Variants in RNF214 observed in about 807,000 individuals in gnomAD.
RNF214 encodes ring finger protein 214.
Under a neutral mutation model 75.9 loss-of-function variants are expected in RNF214, and 25 were observed. The observed-to-expected ratio is 0.33, with a 90% CI of 0.24 to 0.46. The LOEUF is 0.46. Among genes scored for constraint, RNF214 ranks in the 20% least tolerant of loss-of-function variants. The probability of loss-of-function intolerance (pLI) is 1.00; values close to 1 mark genes in which losing one functional copy is unlikely to be tolerated. For missense variants in RNF214, 725 were observed against 857.5 expected, an observed-to-expected ratio of 0.85 and a Z score of 1.93; for synonymous variants, 314 against 308.8, an observed-to-expected ratio of 1.02 and a Z score of -0.18.
intron 6 of RNF214, among the ~76,000 whole-genome samples, chr11:117,264,596 A>G (rs1322609156): frequency 2.6e-5 from 4 of 151,962 alleles, no homozygotes; most frequent in Non-Finnish European, 4.4e-5. Context: ...TAAGTTGGCT[A>G]TTTTGTCATT....
Position 117,264,899 on chromosome 11 carries a change from A to G in RNF214, c.960-15009A>G, listed in dbSNP as rs184482375. On this transcript the variant is annotated intron_variant, in intron 6 of 14. Coordinates refer to ENST00000300650, the MANE Select transcript of RNF214 (RefSeq NM_207343.4). ...GCCAACATGGTGAAACCTCGTCTCT[A>G]CTAAAAATAAAAAAAAAATTAGCTG... 1.3e-3 allele frequency among the ~76,000 whole-genome samples: 200 copies of G among 151,948 alleles called. 1 individual carries two copies. The highest frequency in any genetic ancestry group is 4.7e-3 in the African/African-American group (193 of 41,410).
chr11:117,260,740 C>T (rs1465884362), intron 6 of RNF214, among the ~76,000 whole-genome samples: 39 of 149,392 alleles, frequency 2.6e-4, no homozygotes, highest in Non-Finnish European at 4.4e-4. Context: ...CTGCAACCTC[C>T]GCCTCCCAGG....
At chr11:117,281,531 A>G (rs2034127046) in intron 9 of RNF214, 69 bp from the exon 10 acceptor site, 2 of 1,425,358 alleles carry the variant, frequency 1.4e-6, no homozygotes, top group African/African-American at 2.8e-5. Context: ...TTTCCTGATA[A>G]TGGATGGTGC....
chr11:117,261,714 C>T (rs898084520), intron 6 of RNF214, among the ~76,000 whole-genome samples: 9 of 152,110 alleles, frequency 5.9e-5, no homozygotes, highest in East Asian at 1.9e-4. Context: ...GGCATAGTCT[C>T]GGCTCACTGC....
At chr11:117,233,134 C>T (rs928947909) in intron 1 of RNF214, among the ~76,000 whole-genome samples, 13 of 152,236 alleles carry the variant, frequency 8.5e-5, no homozygotes, top group South Asian at 2.1e-4. Context: ...GTACACTCGA[C>T]CCTCCAGCCA....
At chr11:117,241,994 C>G (rs2033093542) in intron 4 of RNF214, among the ~76,000 whole-genome samples, 1 of 152,126 alleles carries the variant, frequency 6.6e-6, no homozygotes, top group African/African-American at 2.4e-5. Context: ...TTTTTTCATA[C>G]TGTTAAGCTT....
rs139356130 is a variant in RNF214, at chr11:117,239,631, C to T, written c.619-170C>T. 9.0e-4 allele frequency: 555 copies of T among 617,956 alleles called. 15 individuals carry two copies. The South Asian group carries it at 9.1e-3, about 10-fold the overall frequency. 38.3% of individuals were successfully genotyped at this position (617,956 alleles called of 1,614,324 possible). On this transcript the variant is annotated intron_variant, in intron 3 of 14. Transcript: ENST00000300650. ...TTTGTGGGACCGATGATTAATGCAG[C>T]GTGGATGTTGGTGTCCGTTTGCCAG...
intron 6 of RNF214, among the ~76,000 whole-genome samples, chr11:117,265,442 T>G (rs925967833): frequency 6.6e-6 from 1 of 152,148 alleles, no homozygotes; most frequent in African/African-American, 2.4e-5. Flanking sequence ...AGACAGAGTT[T>G]CATTCTTGTT....
chr11:117,237,036 C>G (rs974772701), intron 2 of RNF214, among the ~76,000 whole-genome samples: 11 of 152,116 alleles, frequency 7.2e-5, no homozygotes, highest in African/African-American at 2.7e-4. Flanking sequence ...TAATTAAGCA[C>G]CCGCTCACAG....
Position 117,281,681 on chromosome 11 carries a change from C to A in RNF214, c.1318C>A (p.Pro440Thr). 2.5e-6 allele frequency: 4 copies of A among 1,613,048 alleles called. No homozygotes were observed. The highest frequency in any genetic ancestry group is 3.4e-6 in the Non-Finnish European group (4 of 1,179,134). ...SLPQIPTPTL[P>T]PPPSETDFML... The stretch of plus-strand genomic sequence containing the variant: ...TCCTCAAATCCCTACTCCCACTTTA[C>A]CTCCACCCCCATCAGAGGTAAGAGA... The change falls in exon 10 of 15, where the codon CCT (proline) becomes ACT (threonine). Residue 440 changes from proline (P) to threonine (T), a missense_variant. Transcript: ENST00000300650.
At chr11:117,283,844 A>G (rs969652591) in intron 14 of RNF214, among the ~76,000 whole-genome samples, 5 of 150,500 alleles carry the variant, frequency 3.3e-5, no homozygotes, top group African/African-American at 1.2e-4. Context: ...TTTAGTAGAG[A>G]GAAGGTCTTG....
intron 6 of RNF214, among the ~76,000 whole-genome samples, chr11:117,256,694 T>C (rs1006307081): frequency 1.3e-5 from 2 of 152,222 alleles, no homozygotes; most frequent in Non-Finnish European, 2.9e-5. Context: ...AAGGCTTAGA[T>C]TTTGAACCAG....
chr11:117,281,730 T>C (rs372456833), intron 10 of RNF214, 32 bp downstream of exon 10: 1 of 1,565,976 alleles, frequency 6.4e-7, no homozygotes. Context: ...GAAGTTCACC[T>C]TTCTGTGTTG....
intron 4 of RNF214, among the ~76,000 whole-genome samples, chr11:117,240,705 T>C (rs1389358102): frequency 6.6e-6 from 1 of 151,318 alleles, no homozygotes; most frequent in African/African-American, 2.4e-5. Flanking sequence ...AAATGAAACC[T>C]CTTATTAGAT....
At chr11:117,284,703 G>A (rs767226599) in intron 14 of RNF214, among the ~76,000 whole-genome samples, 2 of 152,174 alleles carry the variant, frequency 1.3e-5, no homozygotes, top group Non-Finnish European at 2.9e-5. Context: ...GCTGAGGCAG[G>A]CAGATCACTT....
chr11:117,263,157 A>G (rs1222854815), intron 6 of RNF214, among the ~76,000 whole-genome samples: 1 of 151,538 alleles, frequency 6.6e-6, no homozygotes, highest in Admixed American at 6.6e-5. Context: ...TTATATTTTG[A>G]AACTGTATTG....
intron 6 of RNF214, among the ~76,000 whole-genome samples, chr11:117,258,905 G>T (rs1379823149): frequency 6.6e-6 from 1 of 152,132 alleles, no homozygotes; most frequent in Non-Finnish European, 1.5e-5. Context: ...TCTTTCGGCA[G>T]AATGCTTTTA....
At chr11:117,237,276 T>C (rs557619393) in intron 2 of RNF214, among the ~76,000 whole-genome samples, 36 of 152,214 alleles carry the variant, frequency 2.4e-4, no homozygotes, top group Non-Finnish European at 4.1e-4. Context: ...AGAGAGGGTC[T>C]TGCTATGTTT....
At chr11:117,283,746 A>G (rs1399420890) in intron 14 of RNF214, among the ~76,000 whole-genome samples, 1 of 152,038 alleles carries the variant, frequency 6.6e-6, no homozygotes, top group Admixed American at 6.6e-5. Context: ...CTATAGCCTC[A>G]ATCCCCTAGG....
Sources: gnomAD v4.1 joint callset for allele counts (sites outside exome capture counted in the v4.1 genomes callset) on GRCh38, gnomAD v4.1.1 for gene constraint, MANE v1.5 for transcripts, NCBI Gene and HGNC (gene_info 2026-07-23, HGNC 2026-07-21) for gene names.